TANC1: variants seen among roughly 807,000 people sequenced by gnomAD.
The protein encoded by TANC1 is protein TANC1.
Under a neutral mutation model 149.7 loss-of-function variants are expected in TANC1, and 77 were observed. The observed-to-expected ratio is 0.51, with a 90% CI of 0.43 to 0.62. The LOEUF is 0.62. Among genes scored for constraint, TANC1 ranks in the 20% least tolerant of loss-of-function variants. The pLI is 0.00. For missense variants in TANC1, 1,985 were observed against 2,321.8 expected (o/e 0.85, Z 2.98); for synonymous variants, 854 against 925.0 (o/e 0.92, Z 1.39).
intron 1 of TANC1, among the ~76,000 whole-genome samples, chr2:159,000,453 A>G (rs922403682): frequency 6.6e-6 from 1 of 152,078 alleles, no homozygotes; most frequent in Non-Finnish European, 1.5e-5. Flanking sequence ...AGGGCCTTTT[A>G]GAATATTCAG....
chr2:159,112,874 C>A lies in TANC1; in HGVS notation c.259+15040C>A, dbSNP rs1463904727. On this transcript the variant is annotated intron_variant, in intron 4 of 26. Coordinates refer to ENST00000263635, the MANE Select transcript of TANC1 (RefSeq NM_033394.3). The stretch of plus-strand genomic sequence containing the variant: ...GGGATTACAGGTGTAAGCCACCACA[C>A]CCAGCCAGTATTTTTTTTTTTTAAG... Among the ~76,000 whole-genome samples the A allele has an allele frequency of 3.3e-5, 5 of 151,800 alleles. No individual in the cohort carries two copies. The East Asian group carries it at 9.7e-4, about 29-fold the overall frequency.
intron 2 of TANC1, among the ~76,000 whole-genome samples, chr2:159,052,915 G>T (rs1559175438): frequency 6.6e-6 from 1 of 152,196 alleles, no homozygotes; most frequent in Non-Finnish European, 1.5e-5. Context: ...TATCAGGTTT[G>T]CTTTTTGAAC....
chr2:158,986,521 T>C (rs1293086871), intron 1 of TANC1, among the ~76,000 whole-genome samples: 1 of 152,196 alleles, frequency 6.6e-6, no homozygotes, highest in Admixed American at 6.5e-5. Flanking sequence ...GCACTTAATT[T>C]GGAATGCAGA....
chr2:159,150,682 T>G, intron 7 of TANC1, 126 bp downstream of exon 7: 1 of 682,000 alleles, frequency 1.5e-6, no homozygotes, highest in South Asian at 1.8e-5. Context: ...TGCTCTGTTC[T>G]TTGCAGGCAG....
In TANC1 at chr2:159,185,795, G is replaced by A. The variant is rs1287139969; in HGVS notation, c.2515G>A (p.Gly839Arg). 3.1e-6 allele frequency: 5 copies of A among 1,613,016 alleles called. No homozygotes were observed. Among genetic ancestry groups the A allele is most frequent in the East Asian group, 2.2e-5 (1 of 44,882 alleles). ...NTAFLCEPRNGHALLAFMFSR... is the reference protein window; with the variant it reads ...NTAFLCEPRNRHALLAFMFSR... ...CCTTTGTATTCCTTCCCCTAGGAAC[G>A]GGCACGCGCTCTTGGCATTCATGTT... Residue 839 changes from glycine to arginine, a missense_variant, in exon 15 of 27, where the codon GGG (glycine) becomes AGG (arginine). By Grantham distance (125) the Gly-to-Arg change is moderately radical (BLOSUM62 -2). Transcript: ENST00000263635.
At chr2:159,192,195 A>G (rs1456493368) in intron 16 of TANC1, among the ~76,000 whole-genome samples, 4 of 152,216 alleles carry the variant, frequency 2.6e-5, no homozygotes, top group African/African-American at 4.8e-5. Flanking sequence ...GCTGCGGACA[A>G]TCATGGCACA....
intron 3 of TANC1, among the ~76,000 whole-genome samples, chr2:159,078,211 T>C (rs985138808): frequency 2.6e-5 from 4 of 152,218 alleles, no homozygotes; most frequent in African/African-American, 7.2e-5. Flanking sequence ...CTCAAGCCCA[T>C]GCTTGGCATA....
chr2:159,091,041 T>G (rs948416410), intron 3 of TANC1, among the ~76,000 whole-genome samples: 2 of 152,046 alleles, frequency 1.3e-5, no homozygotes, highest in African/African-American at 4.8e-5. Flanking sequence ...TTTGTTTTTT[T>G]TTTCTTCCCC....
intron 5 of TANC1, chr2:159,148,224 T>G (rs988878236): frequency 2.6e-5 from 4 of 152,234 alleles, no homozygotes; most frequent in Admixed American, 2.6e-4. Flanking sequence ...TTTGTAAATT[T>G]TTCATCCCCT....
chr2:159,194,322 C>T lies in TANC1; in HGVS notation c.2808C>T (p.Ala936=). The change falls in exon 17 of 27, where the codon GCC becomes GCT. Residue 936 remains alanine (A), a synonymous_variant. Transcript: ENST00000263635. ...ACAGGACAGAAGTGTTAAATAATGC[C>T]CCAATCCTGTGCGTCCAGTCTCACC... ...VNYRTEVLNN[A]PILCVQSHLG... is the part of the protein sequence containing the mutation. 6.2e-7 allele frequency: 1 copy of T among 1,614,240 alleles called. No individual in the cohort carries two copies. Among genetic ancestry groups the T allele is most frequent in the South Asian group, 1.1e-5 (1 of 91,092 alleles).
rs368703539 is a variant in TANC1 at position 159,227,946 on chromosome 2, G to A, written c.4031G>A (p.Arg1344Gln). 7 of 1,612,668 alleles carry A rather than the reference G, an allele frequency of 4.3e-6. No homozygotes were observed. Among genetic ancestry groups the A allele is most frequent in the African/African-American group, 2.7e-5 (2 of 74,814 alleles). The change falls in exon 25 of 27, where the codon CGA becomes CAA. Residue 1344 changes from arginine to glutamine, a missense_variant. Around this residue, in one of 3 missense-constraint regions of TANC1, gnomAD observed 920 missense variants for 994.7 expected, o/e 0.92. Coordinates refer to ENST00000263635, the MANE Select transcript of TANC1 (RefSeq NM_033394.3). ...LRVSLYLNLS[R>Q]CRRKTNDFGM... ...GTTTCCCTCTATCTCAATTTGTCGC[G>A]ATGCCGAAGAAAAACAAATGTAAGC...
intron 2 of TANC1, among the ~76,000 whole-genome samples, chr2:159,049,418 G>A (rs2041309740): frequency 6.6e-6 from 1 of 152,172 alleles, no homozygotes; most frequent in Admixed American, 6.5e-5. Flanking sequence ...AAGGGAGGGA[G>A]GAGAGTGTAT....
chr2:158,998,211 A>G (rs906104623), intron 1 of TANC1, among the ~76,000 whole-genome samples: 1 of 151,656 alleles, frequency 6.6e-6, no homozygotes, highest in Non-Finnish European at 1.5e-5. Context: ...GTGCCACTGC[A>G]CTCCAGCCTG....
At chr2:159,139,061 A>G (rs1425527489) in intron 5 of TANC1, among the ~76,000 whole-genome samples, 2 of 152,114 alleles carry the variant, frequency 1.3e-5, no homozygotes. Context: ...TTTGTAAGCA[A>G]ATAACTTGTT....
At chr2:159,091,395 TA>T in intron 3 of TANC1, among the ~76,000 whole-genome samples, 1 of 152,214 alleles carries the variant, frequency 6.6e-6, no homozygotes, top group East Asian at 1.9e-4. Flanking sequence ...CTAATACATC[TA>T]AAAAATAAAA....
chr2:159,161,308 A>G (rs1406559174), intron 7 of TANC1, among the ~76,000 whole-genome samples: 1 of 152,366 alleles, frequency 6.6e-6, no homozygotes, highest in East Asian at 1.9e-4. Flanking sequence ...AGCCACAAAA[A>G]TAAAACCAAA....
At chr2:159,210,172 A>G (rs919719427) in intron 19 of TANC1, among the ~76,000 whole-genome samples, 4 of 152,138 alleles carry the variant, frequency 2.6e-5, no homozygotes, top group Non-Finnish European at 5.9e-5. Context: ...TCCGTGGGTA[A>G]TGCATGAAAA....
intron 19 of TANC1, among the ~76,000 whole-genome samples, chr2:159,204,427 G>A (rs189342131): frequency 6.6e-6 from 1 of 152,352 alleles, no homozygotes; most frequent in Admixed American, 6.5e-5. Context: ...GTGGGCTGCT[G>A]GTTTGGATCT....
At chr2:159,149,505 C>T (rs531916917) in intron 6 of TANC1, 18 of 527,128 alleles carry the variant, frequency 3.4e-5, no homozygotes, top group African/African-American at 2.7e-4. Flanking sequence ...CTTCTAGTCA[C>T]CACCCAGAGA....
Sources: gnomAD v4.1 joint callset for allele counts (sites outside exome capture counted in the v4.1 genomes callset) on GRCh38, gnomAD v4.1.1 for gene constraint, gnomAD v4.1.1 regional missense constraint, MANE v1.5 for transcripts, NCBI Gene and HGNC (gene_info 2026-07-23, HGNC 2026-07-21) for gene names.